The following C12orf42 variants were observed in gnomAD, a reference collection of about 807,000 sequenced individuals.
C12orf42 encodes the protein chromosome 12 open reading frame 42.
C12orf42 carries 25 observed loss-of-function variants against 21.6 expected under a neutral mutation model. The ratio of observed to expected loss-of-function variants is 1.16; its 90% CI spans 0.84 to 1.62. The LOEUF (loss-of-function observed/expected upper bound fraction) is 1.62, where lower values mean the gene tolerates loss of function less well. Among genes scored for constraint, C12orf42 ranks in the 40% most tolerant of loss-of-function variants. C12orf42 has a pLI of 0.00. For synonymous variants in C12orf42, 174 were observed against 175.0 expected, an observed-to-expected ratio of 0.99 and a Z score of 0.05; for missense variants, 483 against 459.3, an observed-to-expected ratio of 1.05 and a Z score of -0.47.
chr12:103,242,514 T>C (rs866088640), intron 10 of C12orf42, among the ~76,000 whole-genome samples: 1 of 152,142 alleles, frequency 6.6e-6, no homozygotes, highest in South Asian at 2.1e-4. Flanking sequence ...TTTTAAAAAG[T>C]TCTTTATTAC....
chr12:103,545,753 C>G, the C12orf42 span, among the ~76,000 whole-genome samples: 1 of 152,210 alleles, frequency 6.6e-6, no homozygotes, highest in African/African-American at 2.4e-5. Flanking sequence ...GCACTCTCTT[C>G]TCTTTCCCAG....
intron 2 of C12orf42, among the ~76,000 whole-genome samples, chr12:103,416,674 G>T (rs1488472807): frequency 1.3e-5 from 2 of 151,382 alleles, no homozygotes; most frequent in Admixed American, 1.3e-4. Flanking sequence ...AGATATTTTT[G>T]CCCTGACGTA....
chr12:103,237,921 G>A (rs779438730), intron 10 of C12orf42: 2 of 152,324 alleles, frequency 1.3e-5, no homozygotes, highest in Admixed American at 1.3e-4. Flanking sequence ...AAGTAAAAGA[G>A]AAAGAGATTC....
chr12:103,481,749 A>G (rs534886015), intron 1 of C12orf42, among the ~76,000 whole-genome samples: 2 of 150,176 alleles, frequency 1.3e-5, no homozygotes, highest in South Asian at 4.2e-4. Context: ...AATTTCTACC[A>G]TCTTGTATGT....
chr12:103,277,267 A>G lies in C12orf42; in HGVS notation n.338-57T>C, dbSNP rs79947969. 4,985 of 384,122 alleles carry G rather than the reference A, an allele frequency of 0.013. 244 individuals carry two copies. The East Asian group carries it at 0.18, about 14-fold the overall frequency. 23.8% of individuals were successfully genotyped at this position (384,122 alleles called of 1,614,324 possible). A position where few individuals can be genotyped will look rare whatever the true frequency, so the allele number is the denominator to read the frequency against. On this transcript the variant is annotated intron_variant and non_coding_transcript_variant, in intron 4 of 6. Coordinates refer to the C12orf42 transcript ENST00000546526. Reference sequence around the variant, plus strand: ...AGAAAGAATAACTGTATATTAATTCAAAAATTATAATAAACTTATTAATTT... The same window carrying G: ...AGAAAGAATAACTGTATATTAATTCGAAAATTATAATAAACTTATTAATTT...
intron 4 of C12orf42, among the ~76,000 whole-genome samples, chr12:103,309,503 G>C (rs1439374330): frequency 6.6e-6 from 1 of 152,074 alleles, no homozygotes; most frequent in African/African-American, 2.4e-5. Context: ...ACTACTAGTA[G>C]CTAAATTTTG....
At chr12:103,150,363 T>C in the C12orf42 span, among the ~76,000 whole-genome samples, 1 of 152,130 alleles carries the variant, frequency 6.6e-6, no homozygotes, top group Non-Finnish European at 1.5e-5. Flanking sequence ...TTCAGAAACA[T>C]CCACACAAAT....
At chr12:103,375,455 G>T (rs746614453) in intron 3 of C12orf42, among the ~76,000 whole-genome samples, 70 of 152,220 alleles carry the variant, frequency 4.6e-4, no homozygotes, top group Non-Finnish European at 4.3e-4. Flanking sequence ...TATCAAAAAT[G>T]ATTTGCAATC....
the C12orf42 span, among the ~76,000 whole-genome samples, chr12:103,203,397 G>A: frequency 6.6e-6 from 1 of 152,158 alleles, no homozygotes; most frequent in African/African-American, 2.4e-5. Flanking sequence ...CTGGACCCAG[G>A]CAAAGGTTGC....
chr12:103,193,161 T>A, the C12orf42 span, among the ~76,000 whole-genome samples: 1 of 151,580 alleles, frequency 6.6e-6, no homozygotes, highest in Non-Finnish European at 1.5e-5. Flanking sequence ...AAAGAATAAA[T>A]TTAAAAAATT....
At chr12:103,285,965 G>T (rs896130016) in intron 4 of C12orf42, among the ~76,000 whole-genome samples, 3 of 152,166 alleles carry the variant, frequency 2.0e-5, no homozygotes, top group Non-Finnish European at 4.4e-5. Context: ...AATGAATGAG[G>T]CCGGGCGTGG....
the C12orf42 span, among the ~76,000 whole-genome samples, chr12:103,122,264 A>G: frequency 3.3e-5 from 5 of 152,194 alleles, no homozygotes; most frequent in African/African-American, 4.8e-5. Context: ...AGGCAGTGAT[A>G]CGTGGTAGGG....
the C12orf42 span, among the ~76,000 whole-genome samples, chr12:103,148,740 G>A: frequency 6.6e-6 from 1 of 152,196 alleles, no homozygotes; most frequent in East Asian, 1.9e-4. Context: ...CCTAACTGTG[G>A]AATAATTTAC....
the C12orf42 span, among the ~76,000 whole-genome samples, chr12:103,557,110 A>C: frequency 3.6e-4 from 55 of 152,258 alleles, no homozygotes; most frequent in African/African-American, 1.3e-3. Flanking sequence ...AGTCCTAGGA[A>C]ACTAGTACAG....
At chr12:103,456,484 A>G (rs957960473) in intron 2 of C12orf42, among the ~76,000 whole-genome samples, 1 of 152,200 alleles carries the variant, frequency 6.6e-6, no homozygotes, top group Admixed American at 6.5e-5. Flanking sequence ...TCAAAAGTCA[A>G]TACAAAACCT....
chr12:103,428,673 A>T (rs527659758), intron 2 of C12orf42, among the ~76,000 whole-genome samples: 1 of 152,296 alleles, frequency 6.6e-6, no homozygotes, highest in South Asian at 2.1e-4. Context: ...AAAAAAAGAA[A>T]ATTTCAGGCC....
intron 4 of C12orf42, chr12:103,349,366 T>C (rs1199796632): frequency 1.3e-5 from 2 of 151,956 alleles, no homozygotes; most frequent in African/African-American, 4.8e-5. Flanking sequence ...GAATAGAAAA[T>C]ATGATGGAAG....
At chr12:103,105,237 C>A in the C12orf42 span, among the ~76,000 whole-genome samples, 2 of 152,084 alleles carry the variant, frequency 1.3e-5, no homozygotes, top group Admixed American at 1.3e-4. Context: ...AAGGGAGAAT[C>A]AGCAGACACA....
chr12:103,486,694 T>C (rs1954856500), intron 1 of C12orf42, among the ~76,000 whole-genome samples: 2 of 152,266 alleles, frequency 1.3e-5, no homozygotes, highest in East Asian at 1.9e-4. Flanking sequence ...CTTGGGAGGG[T>C]GTATATGTCC....
Sources: allele counts gnomAD v4.1 joint callset (sites outside exome capture counted in the v4.1 genomes callset), GRCh38; gene constraint gnomAD v4.1.1; transcripts MANE v1.5; gene names NCBI Gene and HGNC (gene_info 2026-07-23, HGNC 2026-07-21).